ZNF680: variants seen among roughly 807,000 people sequenced by gnomAD.
ZNF680 encodes hypothetical protein FLJ90430.
Under a neutral mutation model 12.1 loss-of-function variants are expected in ZNF680, and 6 were observed. The observed-to-expected ratio is 0.49, with a 90% CI of 0.27 to 0.98. ZNF680 has a LOEUF of 0.98. Among genes scored for constraint, ZNF680 ranks in the 50% least tolerant of loss-of-function variants. The probability of loss-of-function intolerance (pLI) is 0.12; values close to 1 mark genes in which losing one functional copy is unlikely to be tolerated. For missense variants in ZNF680, 561 were observed against 616.3 expected (o/e 0.91, Z 0.95); for synonymous variants, 170 against 199.3 (o/e 0.85, Z 1.24).
chr7:64,547,478 C>T (rs970658605), intron 1 of ZNF680, among the ~76,000 whole-genome samples: 1 of 152,188 alleles, frequency 6.6e-6, no homozygotes, highest in African/African-American at 2.4e-5. Flanking sequence ...TAAGCAGGTA[C>T]TATGTCCTCA....
intron 1 of ZNF680, among the ~76,000 whole-genome samples, chr7:64,557,383 C>T (rs1360137901): frequency 6.6e-6 from 1 of 150,810 alleles, no homozygotes; most frequent in East Asian, 2.0e-4. Context: ...GGTGAAACCC[C>T]GTCTCTACTA....
chr7:64,545,460 T>TA lies in ZNF680; in HGVS notation c.31-1029dup, dbSNP rs1043564074. On this transcript the variant is annotated intron_variant, in intron 1 of 3. Coordinates refer to ENST00000309683, the MANE Select transcript of ZNF680 (RefSeq NM_178558.5). ...CTTACTAATGAAAAGTAATTAACTA[T>TA]AAAAAAAACTTGTCAGACAGCTCTT... Among the ~76,000 whole-genome samples, 197 of 151,994 alleles carry TA rather than the reference T, an allele frequency of 1.3e-3. 1 individual carries two copies. The highest frequency in any genetic ancestry group is 4.3e-3 in the African/African-American group (178 of 41,496).
the ZNF680 span, among the ~76,000 whole-genome samples, chr7:64,505,199 G>T: frequency 2.6e-4 from 40 of 152,142 alleles, no homozygotes; most frequent in Non-Finnish European, 1.5e-4. Context: ...CCAAGCCATT[G>T]AAAAAATGTG....
Position 64,563,031 on chromosome 7 carries a change from C to G in ZNF680, c.-77G>C. Reference sequence around the variant, plus strand: ...GCCTCTAGGAGCAGAATACACAGAGCAGTAAAGACTAGACCTGGAGCTCCC... The same window carrying G: ...GCCTCTAGGAGCAGAATACACAGAGGAGTAAAGACTAGACCTGGAGCTCCC... On this transcript the variant is annotated 5_prime_UTR_variant, in exon 1 of 4. Coordinates refer to ENST00000309683, the MANE Select transcript of ZNF680 (RefSeq NM_178558.5). 2 of 1,557,394 alleles carry G rather than the reference C, an allele frequency of 1.3e-6. No homozygotes were observed. Among genetic ancestry groups the G allele is most frequent in the South Asian group, 2.2e-5 (2 of 89,954 alleles).
the ZNF680 span, among the ~76,000 whole-genome samples, chr7:64,500,503 C>G: frequency 3.7e-4 from 56 of 152,220 alleles, no homozygotes; most frequent in African/African-American, 1.3e-3. Context: ...CATTGATGAA[C>G]CTGGAGGACA....
At chr7:64,536,550 G>A (rs1276642016) in intron 3 of ZNF680, among the ~76,000 whole-genome samples, 1 of 152,142 alleles carries the variant, frequency 6.6e-6, no homozygotes. Context: ...CCATTCATGA[G>A]GAATTTGCCC....
At chr7:64,501,407 T>A in the ZNF680 span, 6 of 1,124,444 alleles carry the variant, frequency 5.3e-6, no homozygotes, top group African/African-American at 9.2e-5. Context: ...CTTTAGGCCA[T>A]TAAGAAGGAA....
downstream of ZNF680, among the ~76,000 whole-genome samples, chr7:64,516,469 A>C (rs1312176242): frequency 1.3e-5 from 2 of 152,194 alleles, no homozygotes; most frequent in African/African-American, 2.4e-5. Flanking sequence ...AATTTATAAA[A>C]CAATAACTAT....
chr7:64,562,556 AC>A (rs769044016), intron 1 of ZNF680, among the ~76,000 whole-genome samples: 54 of 152,190 alleles, frequency 3.5e-4, no homozygotes, highest in Non-Finnish European at 6.9e-4. Context: ...ATTTGCAGTG[AC>A]TTCCATGAAT....
At chr7:64,547,021 T>C (rs1786822553) in intron 1 of ZNF680, among the ~76,000 whole-genome samples, 1 of 151,832 alleles carries the variant, frequency 6.6e-6, no homozygotes, top group South Asian at 2.1e-4. Flanking sequence ...TAACAGAACC[T>C]GTGGAAAAGA....
chr7:64,536,339 A>C (rs1279216281), intron 3 of ZNF680, among the ~76,000 whole-genome samples: 1 of 152,240 alleles, frequency 6.6e-6, no homozygotes, highest in Admixed American at 6.5e-5. Flanking sequence ...AGACTGTACA[A>C]GAAGTGTGTG....
At chr7:64,526,451 G>C (rs73128772) in intron 3 of ZNF680, 342,894 of 1,447,390 alleles carry the variant, frequency 0.24, 41,933 homozygotes, top group South Asian at 0.28. Context: ...CATCTTTAGG[G>C]AGGCCAAGGC....
At chr7:64,517,512 C>G (rs1791379604), downstream of ZNF680, among the ~76,000 whole-genome samples, 1 of 151,836 alleles carries the variant, frequency 6.6e-6, no homozygotes, top group Non-Finnish European at 1.5e-5. Flanking sequence ...GAATTCTACC[C>G]AACATTAAAA....
intron 1 of ZNF680, among the ~76,000 whole-genome samples, chr7:64,561,717 G>T (rs1182563636): frequency 2.7e-5 from 4 of 146,568 alleles, no homozygotes; most frequent in Non-Finnish European, 6.0e-5. Flanking sequence ...GGTGGATTAC[G>T]AGGTCAGGAG....
At chr7:64,523,781 T>C (rs1481213852) in intron 3 of ZNF680, among the ~76,000 whole-genome samples, 1 of 151,552 alleles carries the variant, frequency 6.6e-6, no homozygotes, top group Non-Finnish European at 1.5e-5. Flanking sequence ...GGCATGGTGG[T>C]GGGCGCCTGT....
the ZNF680 span, among the ~76,000 whole-genome samples, chr7:64,505,773 C>CT: frequency 3.4e-3 from 496 of 146,894 alleles, 1 homozygote; most frequent in Middle Eastern, 3.5e-3. Context: ...AATTAGACTC[C>CT]TTTTTTTTTT....
intron 1 of ZNF680, among the ~76,000 whole-genome samples, chr7:64,559,503 CAG>C (rs1319263185): frequency 4.0e-5 from 6 of 151,302 alleles, no homozygotes; most frequent in Non-Finnish European, 8.8e-5. Context: ...GTTTTTGAGA[CAG>C]AGTCTCGCCC....
At chr7:64,558,711 T>G (rs1426371616) in intron 1 of ZNF680, among the ~76,000 whole-genome samples, 1 of 152,018 alleles carries the variant, frequency 6.6e-6, no homozygotes, top group East Asian at 1.9e-4. Flanking sequence ...TAATAAAAAT[T>G]TGAATTCCAA....
downstream of ZNF680, among the ~76,000 whole-genome samples, chr7:64,516,987 A>G (rs1370293887): frequency 6.6e-6 from 1 of 152,130 alleles, no homozygotes; most frequent in Non-Finnish European, 1.5e-5. Flanking sequence ...GAAAGTCCAT[A>G]GCTTTAAATG....
Sources: allele counts gnomAD v4.1 joint callset (sites outside exome capture counted in the v4.1 genomes callset), GRCh38; gene constraint gnomAD v4.1.1; transcripts MANE v1.5; gene names NCBI Gene and HGNC (gene_info 2026-07-23, HGNC 2026-07-21).